LRRC28: variants seen among roughly 807,000 people sequenced by gnomAD.
The protein encoded by LRRC28 is leucine-rich repeat-containing protein 28.
LRRC28 carries 39 observed loss-of-function variants against 45.7 expected under a neutral mutation model. The ratio of observed to expected loss-of-function variants is 0.85; its 90% CI spans 0.66 to 1.12. The LOEUF (loss-of-function observed/expected upper bound fraction) is 1.12, where lower values mean the gene tolerates loss of function less well. Ranked by LOEUF, LRRC28 falls within the 50% of genes most tolerant of loss-of-function variation. The probability of loss-of-function intolerance (pLI) is 0.00; values close to 1 mark genes in which losing one functional copy is unlikely to be tolerated. For missense variants in LRRC28, 435 were observed against 438.5 expected, an observed-to-expected ratio of 0.99 and a Z score of 0.07; for synonymous variants, 206 against 178.8, an observed-to-expected ratio of 1.15 and a Z score of -1.22.
intron 7 of LRRC28, among the ~76,000 whole-genome samples, chr15:99,356,259 A>G (rs547396019): frequency 4.9e-4 from 75 of 152,356 alleles, no homozygotes; most frequent in African/African-American, 1.8e-3. Context: ...AGAGACTCCA[A>G]TTTGAGATGA....
intron 8 of LRRC28, 84 bp downstream of exon 8, chr15:99,361,595 T>A: frequency 2.1e-4 from 249 of 1,179,356 alleles, no homozygotes; most frequent in Middle Eastern, 5.2e-4. Flanking sequence ...CGTTCATCTT[T>A]AAAAAAAAAA....
chr15:99,366,408 A>G (rs150407640), intron 9 of LRRC28, among the ~76,000 whole-genome samples: 207 of 152,306 alleles, frequency 1.4e-3, no homozygotes, highest in African/African-American at 4.1e-3. Flanking sequence ...ACTATTATAT[A>G]TGCAAGGACA....
At chr15:99,254,858 C>T (rs1171201534) in intron 1 of LRRC28, among the ~76,000 whole-genome samples, 1 of 152,204 alleles carries the variant, frequency 6.6e-6, no homozygotes, top group East Asian at 1.9e-4. Context: ...CTGCCCTGGA[C>T]TCAGGCCTTT....
intron 6 of LRRC28, among the ~76,000 whole-genome samples, chr15:99,336,821 T>A (rs1956339696): frequency 6.6e-6 from 1 of 152,234 alleles, no homozygotes; most frequent in Non-Finnish European, 1.5e-5. Flanking sequence ...AACTCCTGGT[T>A]CCTTAATTTG....
Position 99,390,347 on chromosome 15 carries a change from G to C in LRRC28, c.*4245G>C, listed in dbSNP as rs978401429. ...GACAGAAGGTACTGGCAGCGAGTGT[G>C]GTGGATGGGCAGAAGGTGTAGCATT... On this transcript the variant is annotated 3_prime_UTR_variant, in exon 10 of 10. Coordinates refer to ENST00000301981, the MANE Select transcript of LRRC28 (RefSeq NM_144598.5). The C allele has an allele frequency of 6.6e-6, 1 of 152,252 alleles. No homozygotes were observed. Among genetic ancestry groups the C allele is most frequent in the Non-Finnish European group, 1.5e-5 (1 of 68,058 alleles). The allele number at this position is 152,252 out of a possible 1,614,324, so 9.4% of individuals were successfully genotyped here. A position where few individuals can be genotyped will look rare whatever the true frequency, so the allele number is the denominator to read the frequency against.
intron 9 of LRRC28, among the ~76,000 whole-genome samples, chr15:99,374,531 T>A (rs1198068235): frequency 6.6e-6 from 1 of 152,334 alleles, no homozygotes; most frequent in South Asian, 2.1e-4. Flanking sequence ...GAAAATCATG[T>A]CATGCTGTCT....
chr15:99,273,483 C>T (rs919199355), intron 2 of LRRC28, among the ~76,000 whole-genome samples: 10 of 149,936 alleles, frequency 6.7e-5, no homozygotes, highest in South Asian at 2.1e-4. Context: ...GTGATCTGCC[C>T]GCCTCGGCCT....
chr15:99,342,235 C>T (rs1454843945), intron 6 of LRRC28, among the ~76,000 whole-genome samples: 2 of 152,212 alleles, frequency 1.3e-5, no homozygotes, highest in Admixed American at 6.5e-5. Flanking sequence ...GATACTACAC[C>T]TGGATGCCTT....
chr15:99,339,302 G>A (rs117195232), intron 6 of LRRC28, among the ~76,000 whole-genome samples: 2 of 152,320 alleles, frequency 1.3e-5, no homozygotes, highest in Non-Finnish European at 2.9e-5. Flanking sequence ...CTATGGAAGA[G>A]CATCTTTAGT....
At chr15:99,270,046 CT>C (rs1348881983) in intron 2 of LRRC28, among the ~76,000 whole-genome samples, 39 of 152,210 alleles carry the variant, frequency 2.6e-4, no homozygotes, top group African/African-American at 8.7e-4. Context: ...GAGGGAAATA[CT>C]GGAGAAGGAA....
chr15:99,338,779 A>G (rs1956409885), intron 6 of LRRC28, among the ~76,000 whole-genome samples: 1 of 152,248 alleles, frequency 6.6e-6, no homozygotes, highest in Non-Finnish European at 1.5e-5. Flanking sequence ...TAAATCACTT[A>G]TAATACTGTC....
Position 99,387,127 on chromosome 15 carries a change from C to G in LRRC28, c.*1025C>G, listed in dbSNP as rs900996464. 1.3e-5 allele frequency: 2 copies of G among 150,538 alleles called. No homozygotes were observed. The highest frequency in any genetic ancestry group is 4.9e-5 in the African/African-American group (2 of 40,734). The allele number at this position is 150,538 out of a possible 1,614,324, so 9.3% of individuals were successfully genotyped here. ...CCAGGCTGGAGTGCAGTGGCGGGATCTCGGCTCACTGCAAGCTCCGCCTCC... is the reference window on the plus strand; with the variant it reads ...CCAGGCTGGAGTGCAGTGGCGGGATGTCGGCTCACTGCAAGCTCCGCCTCC... On this transcript the variant is annotated 3_prime_UTR_variant, in exon 10 of 10. Transcript: ENST00000301981.
Position 99,350,523 on chromosome 15 carries a change from TAC to T in LRRC28, c.593-1844_593-1843del, listed in dbSNP as rs140781946. Among the ~76,000 whole-genome samples, 372 of 152,348 alleles carry T rather than the reference TAC, an allele frequency of 2.4e-3. 3 individuals carry two copies. The highest frequency in any genetic ancestry group is 8.6e-3 in the African/African-American group (358 of 41,578). On this transcript the variant is annotated intron_variant, in intron 6 of 9. Coordinates refer to ENST00000301981, the MANE Select transcript of LRRC28 (RefSeq NM_144598.5). ...TCTAATAGCAGTGATCGTATTGTATTACAGTTACTGTTTTTCCTGTTTCCACA... is the reference window on the plus strand; with the variant it reads ...TCTAATAGCAGTGATCGTATTGTATTAGTTACTGTTTTTCCTGTTTCCACA...
At chr15:99,323,111 C>G (rs1473647983) in intron 5 of LRRC28, among the ~76,000 whole-genome samples, 1 of 152,162 alleles carries the variant, frequency 6.6e-6, no homozygotes, top group East Asian at 1.9e-4. Context: ...AATGTACACT[C>G]AGAAACATCT....
At chr15:99,314,575 A>G (rs956236054) in intron 5 of LRRC28, among the ~76,000 whole-genome samples, 2 of 152,202 alleles carry the variant, frequency 1.3e-5, no homozygotes, top group African/African-American at 2.4e-5. Flanking sequence ...CTTCTATTCT[A>G]AAGTTACTGG....
At chr15:99,353,960 T>A (rs1597412267) in intron 7 of LRRC28, 1 of 152,260 alleles carries the variant, frequency 6.6e-6, no homozygotes, top group East Asian at 1.9e-4. Context: ...CAAATCTTTT[T>A]AAAAAAACAA....
At position 99,283,139 on chromosome 15, in the gene LRRC28, C is replaced by T. The variant is rs2081854984; in HGVS notation, c.210-4118C>T. Among the ~76,000 whole-genome samples the T allele has an allele frequency of 2.0e-5, 3 of 152,062 alleles. No homozygotes were observed. In the South Asian group the frequency reaches 6.2e-4, roughly 32 times the overall value. On this transcript the variant is annotated intron_variant, in intron 3 of 9. Coordinates refer to ENST00000301981, the MANE Select transcript of LRRC28 (RefSeq NM_144598.5). The stretch of plus-strand genomic sequence containing the variant: ...AACTCCTCACCTAAGGTGATCCACC[C>T]ACTTCGGCCTCCCAAAGTGCTGGGA...
intron 3 of LRRC28, among the ~76,000 whole-genome samples, chr15:99,283,848 C>A (rs1173594446): frequency 6.6e-6 from 1 of 152,110 alleles, no homozygotes; most frequent in Non-Finnish European, 1.5e-5. Flanking sequence ...GAAACATCAA[C>A]ATTTCAACTA....
chr15:99,341,655 C>G (rs1426228053), intron 6 of LRRC28, among the ~76,000 whole-genome samples: 1 of 152,102 alleles, frequency 6.6e-6, no homozygotes, highest in African/African-American at 2.4e-5. Flanking sequence ...AAAGTGAGCC[C>G]TGTTCTCCCA....
Sources: allele counts gnomAD v4.1 joint callset (sites outside exome capture counted in the v4.1 genomes callset), GRCh38; gene constraint gnomAD v4.1.1; transcripts MANE v1.5; gene names NCBI Gene and HGNC (gene_info 2026-07-23, HGNC 2026-07-21).